The following PCBP2 variants were observed in gnomAD, a reference collection of about 807,000 sequenced individuals.
PCBP2 encodes poly(rC)-binding protein 2.
A neutral mutation model predicts 50.1 loss-of-function variants in PCBP2; 4 were observed. The ratio of observed to expected loss-of-function variants is 0.08; its 90% CI spans 0.04 to 0.18. The LOEUF is 0.18. PCBP2 is among the 10% of genes least tolerant of loss of function. The probability of loss-of-function intolerance (pLI) is 1.00; values close to 1 mark genes in which losing one functional copy is unlikely to be tolerated. For missense variants in PCBP2, 161 were observed against 474.3 expected, an observed-to-expected ratio of 0.34 and a Z score of 6.14; for synonymous variants, 179 against 168.0, an observed-to-expected ratio of 1.07 and a Z score of -0.51.
intron 14 of PCBP2, among the ~76,000 whole-genome samples, chr12:53,477,659 C>CT (rs1232849691): frequency 2.5e-5 from 2 of 80,172 alleles, no homozygotes; most frequent in South Asian, 1.0e-3. Context: ...AAGCAAGACT[C>CT]TGTCTCAAAA....
At chr12:53,472,232 G>T (rs1037770901) in intron 14 of PCBP2, among the ~76,000 whole-genome samples, 1 of 152,202 alleles carries the variant, frequency 6.6e-6, no homozygotes, top group African/African-American at 2.4e-5. Context: ...CAGCAAGGCA[G>T]TTTCTGGGAG....
At chr12:53,471,497 T>C (rs1942231159) in intron 13 of PCBP2, 141 bp from the exon 14 acceptor site, 3 of 707,058 alleles carry the variant, frequency 4.2e-6, no homozygotes, top group Non-Finnish European at 6.5e-6. Context: ...TCCAGGAGGC[T>C]GAGGTTGCAC....
chr12:53,469,191 C>T (rs189893152), intron 13 of PCBP2, among the ~76,000 whole-genome samples: 64 of 152,086 alleles, frequency 4.2e-4, no homozygotes, highest in African/African-American at 1.2e-3. Flanking sequence ...TCTGAGTCAC[C>T]GCACTTGGCC....
At chr12:53,455,640 G>T in intron 4 of PCBP2, 147 bp downstream of exon 4, 1 of 870,370 alleles carries the variant, frequency 1.1e-6, no homozygotes. Flanking sequence ...ATAATCTGGG[G>T]AGTGTATTTT....
At chr12:53,457,204 G>A (rs546045974) in intron 5 of PCBP2, among the ~76,000 whole-genome samples, 14 of 151,996 alleles carry the variant, frequency 9.2e-5, no homozygotes, top group Non-Finnish European at 1.9e-4. Flanking sequence ...ATGCCACCCT[G>A]CCTGGATAAT....
intron 6 of PCBP2, chr12:53,459,844 C>G (rs546381802): frequency 8.1e-5 from 37 of 454,144 alleles, no homozygotes; most frequent in South Asian, 1.6e-4. Flanking sequence ...AGCAAAACAT[C>G]GACCTTCCCA....
chr12:53,480,697 A>G lies in PCBP2; in HGVS notation c.*1255A>G, dbSNP rs1301513587. ...GCAGAGAAGATAAATGGTGGGACAAAAAAATGAGTTACATTGCCACCTGAG... is the reference window on the plus strand; with the variant it reads ...GCAGAGAAGATAAATGGTGGGACAAGAAAATGAGTTACATTGCCACCTGAG... On this transcript the variant is annotated 3_prime_UTR_variant, in exon 15 of 15. Coordinates refer to ENST00000546463, the MANE Select transcript of PCBP2 (RefSeq NM_031989.5). 2 of 152,602 alleles carry G rather than the reference A, an allele frequency of 1.3e-5. No individual in the cohort carries two copies. Among genetic ancestry groups the G allele is most frequent in the Non-Finnish European group, 2.9e-5 (2 of 68,072 alleles). The allele number at this position is 152,602 out of a possible 1,614,324, so 9.5% of individuals were successfully genotyped here.
chr12:53,463,651 G>A (rs940647344), intron 8 of PCBP2, among the ~76,000 whole-genome samples: 31 of 152,106 alleles, frequency 2.0e-4, no homozygotes, highest in African/African-American at 7.5e-4. Context: ...TCTATGGGGG[G>A]AATCCTAGGA....
chr12:53,477,952 T>C (rs1008937260), intron 14 of PCBP2, among the ~76,000 whole-genome samples: 3 of 152,332 alleles, frequency 2.0e-5, no homozygotes, highest in Admixed American at 6.5e-5. Context: ...CTTATACATT[T>C]GGTTCTATTC....
intron 4 of PCBP2, 45 bp from the exon 5 acceptor site, chr12:53,455,840 G>C (rs193291866): frequency 1.4e-4 from 188 of 1,302,372 alleles, no homozygotes; most frequent in Non-Finnish European, 1.9e-4. Flanking sequence ...TACATACTCA[G>C]ATCTTCTTTG....
chr12:53,462,133 T>C (rs1322655995), intron 7 of PCBP2, among the ~76,000 whole-genome samples: 2 of 152,214 alleles, frequency 1.3e-5, no homozygotes, highest in East Asian at 3.8e-4. Context: ...TTTGACCTTA[T>C]TTCCTATTCA....
At chr12:53,472,028 G>T (rs1304927635) in intron 14 of PCBP2, among the ~76,000 whole-genome samples, 4 of 148,000 alleles carry the variant, frequency 2.7e-5, no homozygotes, top group African/African-American at 9.9e-5. Flanking sequence ...CAGATTGCCC[G>T]CATTTAACTT....
chr12:53,478,919 A>G (rs1942855876), intron 14 of PCBP2, among the ~76,000 whole-genome samples: 1 of 151,948 alleles, frequency 6.6e-6, no homozygotes, highest in Admixed American at 6.6e-5. Flanking sequence ...TACCCTACAC[A>G]TTGATAGAAC....
In PCBP2 at chr12:53,467,885, A is replaced by C. The variant is rs1488482299; in HGVS notation, c.826+42A>C. ...AAAAAATCTGTAGTATTCTACTGTT[A>C]TATTAATAAACTGGTGGGAGTCTTG... On this transcript the variant is annotated intron_variant, in intron 12 of 14. Transcript: ENST00000546463. The C allele has an allele frequency of 2.1e-6, 3 of 1,416,476 alleles. No individual in the cohort carries two copies. The African/African-American group carries it at 4.2e-5, about 20-fold the overall frequency. The allele number at this position is 1,416,476 out of a possible 1,614,324, so 87.7% of individuals were successfully genotyped here. A position where few individuals can be genotyped will look rare whatever the true frequency, so the allele number is the denominator to read the frequency against.
At chr12:53,466,769 C>G (rs1483663964) in intron 10 of PCBP2, among the ~76,000 whole-genome samples, 1 of 152,084 alleles carries the variant, frequency 6.6e-6, no homozygotes, top group East Asian at 1.9e-4. Context: ...CTTCACCTCT[C>G]TCCTCCTTGC....
intron 8 of PCBP2, 154 bp from the exon 9 acceptor site, chr12:53,464,606 A>T: frequency 4.8e-6 from 5 of 1,050,666 alleles, no homozygotes; most frequent in Admixed American, 3.1e-5. Context: ...TTTTTTTTTT[A>T]ATTCACTGAT....
At chr12:53,461,441 T>G (rs956950673) in intron 7 of PCBP2, among the ~76,000 whole-genome samples, 3 of 152,244 alleles carry the variant, frequency 2.0e-5, no homozygotes, top group African/African-American at 7.2e-5. Flanking sequence ...TTTGAGTTCC[T>G]GAGTAGCTGA....
intron 7 of PCBP2, among the ~76,000 whole-genome samples, 198 bp downstream of exon 7, chr12:53,461,341 T>C (rs1029833216): frequency 6.6e-6 from 1 of 152,234 alleles, no homozygotes; most frequent in Admixed American, 6.5e-5. Context: ...AAATAGAAAC[T>C]GCTAAGCAGC....
intron 12 of PCBP2, chr12:53,468,525 C>T (rs1323051655): frequency 5.9e-6 from 3 of 512,024 alleles, no homozygotes; most frequent in Non-Finnish European, 1.0e-5. Flanking sequence ...CATCCCCCAT[C>T]CCTAATAGGC....
Sources: allele counts gnomAD v4.1 joint callset (sites outside exome capture counted in the v4.1 genomes callset), GRCh38; gene constraint gnomAD v4.1.1; transcripts MANE v1.5; gene names NCBI Gene and HGNC (gene_info 2026-07-23, HGNC 2026-07-21).